The following XKR9 variants were observed in gnomAD, a reference collection of about 807,000 sequenced individuals.
XKR9 encodes the protein XK-related protein 9.
Under a neutral mutation model 32.0 loss-of-function variants are expected in XKR9, and 32 were observed. That is an observed-to-expected ratio of 1.00 (90% CI 0.76 to 1.34). The LOEUF is 1.34. XKR9 is among the 40% of genes most tolerant of loss of function. XKR9 has a pLI of 0.00. For missense variants in XKR9, 546 were observed against 429.7 expected, an observed-to-expected ratio of 1.27 and a Z score of -2.39; for synonymous variants, 168 against 143.4, an observed-to-expected ratio of 1.17 and a Z score of -1.22.
chr8:70,695,228 C>T (rs1403269516), intron 3 of XKR9, among the ~76,000 whole-genome samples: 1 of 147,086 alleles, frequency 6.8e-6, no homozygotes, highest in Non-Finnish European at 1.5e-5. Context: ...GTGCAATGTG[C>T]AGGTTAGTTA....
At chr8:70,813,599 A>G in the XKR9 span, among the ~76,000 whole-genome samples, 1 of 152,194 alleles carries the variant, frequency 6.6e-6, no homozygotes, top group South Asian at 2.1e-4. Flanking sequence ...TTACAAGAAA[A>G]AAACAAACAA....
chr8:70,896,481 G>A, the XKR9 span, among the ~76,000 whole-genome samples: 5 of 150,712 alleles, frequency 3.3e-5, no homozygotes, highest in East Asian at 5.8e-4. Flanking sequence ...GCCGACGGTC[G>A]TTTGTAGTAT....
chr8:70,751,557 AG>A (rs1046234029), intron 2 of XKR9, among the ~76,000 whole-genome samples: 2 of 152,194 alleles, frequency 1.3e-5, no homozygotes, highest in Non-Finnish European at 2.9e-5. Context: ...GGACTAAGTA[AG>A]GAAGATGTAC....
intron 2 of XKR9, among the ~76,000 whole-genome samples, chr8:70,760,799 T>C (rs1050994883): frequency 2.6e-5 from 4 of 152,190 alleles, no homozygotes; most frequent in Non-Finnish European, 5.9e-5. Flanking sequence ...TTGTACAGAT[T>C]ATTTAATCAT....
At chr8:70,832,540 G>T in the XKR9 span, among the ~76,000 whole-genome samples, 3 of 152,154 alleles carry the variant, frequency 2.0e-5, no homozygotes, top group East Asian at 3.8e-4. Context: ...CTGAAAAGTG[G>T]TTTTGTTGTA....
the XKR9 span, among the ~76,000 whole-genome samples, chr8:71,027,104 T>C: frequency 6.6e-6 from 1 of 152,010 alleles, no homozygotes; most frequent in African/African-American, 2.4e-5. Context: ...TGTCAAAAGG[T>C]CAAATATTGG....
chr8:70,944,033 G>C, the XKR9 span, among the ~76,000 whole-genome samples: 16 of 152,028 alleles, frequency 1.1e-4, no homozygotes, highest in Admixed American at 6.6e-5. Flanking sequence ...GTGTCAGATG[G>C]TTTACAATAC....
At chr8:70,956,146 A>G in the XKR9 span, among the ~76,000 whole-genome samples, 1 of 152,112 alleles carries the variant, frequency 6.6e-6, no homozygotes, top group Non-Finnish European at 1.5e-5. Flanking sequence ...CAACTCTTTC[A>G]GTCCCGCCAT....
chr8:70,685,816 A>G (rs1329163702), intron 3 of XKR9, among the ~76,000 whole-genome samples: 5 of 151,592 alleles, frequency 3.3e-5, no homozygotes, highest in South Asian at 2.1e-4. Flanking sequence ...GCACACCAGC[A>G]TGGCACATGT....
the XKR9 span, among the ~76,000 whole-genome samples, chr8:70,934,655 G>A: frequency 6.6e-6 from 1 of 151,936 alleles, no homozygotes; most frequent in Non-Finnish European, 1.5e-5. Context: ...TTATAACACA[G>A]GGGAAGAGAA....
At chr8:70,742,971 T>G (rs1807009073) in intron 2 of XKR9, among the ~76,000 whole-genome samples, 1 of 152,226 alleles carries the variant, frequency 6.6e-6, no homozygotes, top group East Asian at 1.9e-4. Flanking sequence ...TTCTATTATA[T>G]TTAGGAAGTT....
At chr8:70,862,790 G>A in the XKR9 span, among the ~76,000 whole-genome samples, 1 of 152,140 alleles carries the variant, frequency 6.6e-6, no homozygotes, top group African/African-American at 2.4e-5. Context: ...ATTAATCTAA[G>A]AATCATGTAA....
chr8:71,032,986 A>G, the XKR9 span, among the ~76,000 whole-genome samples: 12 of 151,952 alleles, frequency 7.9e-5, no homozygotes, highest in African/African-American at 9.7e-5. Context: ...CGGGAGGCTG[A>G]GGCAGGAGAA....
chr8:70,770,877 C>G (rs1313010488), intron 2 of XKR9, among the ~76,000 whole-genome samples: 1 of 152,222 alleles, frequency 6.6e-6, no homozygotes, highest in African/African-American at 2.4e-5. Flanking sequence ...TTTAGCAACA[C>G]CACTTGGCTC....
At chr8:70,715,972 T>TGA (rs1460736891) in intron 4 of XKR9, among the ~76,000 whole-genome samples, 1 of 151,810 alleles carries the variant, frequency 6.6e-6, no homozygotes, top group Non-Finnish European at 1.5e-5. Flanking sequence ...AATCAAAACA[T>TGA]GAGAGTAAAC....
At chr8:70,745,402 A>G (rs1346417749) in intron 2 of XKR9, among the ~76,000 whole-genome samples, 1 of 152,226 alleles carries the variant, frequency 6.6e-6, no homozygotes, top group African/African-American at 2.4e-5. Context: ...TACTTTCATA[A>G]AAGAACACTC....
At chr8:70,905,307 C>G in the XKR9 span, among the ~76,000 whole-genome samples, 1 of 152,156 alleles carries the variant, frequency 6.6e-6, no homozygotes, top group African/African-American at 2.4e-5. Context: ...TTCTTGGAGG[C>G]TTTGTTCGTT....
chr8:70,673,839 C>T (rs754565152), intron 1 of XKR9, among the ~76,000 whole-genome samples: 1 of 152,018 alleles, frequency 6.6e-6, no homozygotes, highest in African/African-American at 2.4e-5. Flanking sequence ...AGTTCCTCTC[C>T]AAGAAATCAG....
chr8:70,857,076 G>C, the XKR9 span, among the ~76,000 whole-genome samples: 1 of 152,066 alleles, frequency 6.6e-6, no homozygotes, highest in East Asian at 1.9e-4. Context: ...AGAGAAGCAA[G>C]AGCAAACACA....
Sources: gnomAD v4.1 joint callset for allele counts (sites outside exome capture counted in the v4.1 genomes callset) on GRCh38, gnomAD v4.1.1 for gene constraint, MANE v1.5 for transcripts, NCBI Gene and HGNC (gene_info 2026-07-23, HGNC 2026-07-21) for gene names.